CARMIL1: variants seen among roughly 807,000 people sequenced by gnomAD.
The protein encoded by CARMIL1 is F-actin-uncapping protein LRRC16A.
Under a neutral mutation model 177.1 loss-of-function variants are expected in CARMIL1, and 90 were observed. That is an observed-to-expected ratio of 0.51 (90% CI 0.43 to 0.61). CARMIL1 has a LOEUF of 0.61. Among genes scored for constraint, CARMIL1 ranks in the 20% least tolerant of loss-of-function variants. CARMIL1 has a pLI of 0.00. For missense variants in CARMIL1, 1,380 were observed against 1,667.0 expected (o/e 0.83, Z 3.00); for synonymous variants, 577 against 606.2 (o/e 0.95, Z 0.71).
intron 31 of CARMIL1, among the ~76,000 whole-genome samples, chr6:25,593,231 T>G (rs1268971000): frequency 2.0e-5 from 3 of 152,208 alleles, no homozygotes; most frequent in Admixed American, 6.5e-5. Flanking sequence ...ACTTCATTAG[T>G]TCCTCATCAC....
chr6:25,475,690 A>T (rs1409753750), intron 11 of CARMIL1, among the ~76,000 whole-genome samples: 1 of 152,236 alleles, frequency 6.6e-6, no homozygotes, highest in Non-Finnish European at 1.5e-5. Flanking sequence ...AACACTGTTG[A>T]GTGAAAGAAG....
At position 25,594,503 on chromosome 6, in the gene CARMIL1, A is replaced by G. The variant is rs1048006248; in HGVS notation, c.3095A>G (p.Lys1032Arg). Residue 1032 changes from lysine (K) to arginine (R), a missense_variant, in exon 32 of 37, where the codon AAG becomes AGG. Physicochemically the swap from Lys to Arg is conservative, Grantham distance 26. Transcript: ENST00000329474. Reference sequence around the variant, plus strand: ...GAAGGTGTAGATGAATTTTTTACCAAGAAGGTGACCAAAATGGATTCCAAG... The same window carrying G: ...GAAGGTGTAGATGAATTTTTTACCAGGAAGGTGACCAAAATGGATTCCAAG... ...VDEGVDEFFT[K>R]KVTKMDSKKW... is the part of the protein sequence containing the mutation. The G allele has an allele frequency of 1.4e-5, 23 of 1,610,666 alleles. No homozygotes were observed. The East Asian group carries it at 4.9e-4, about 34-fold the overall frequency.
At chr6:25,605,797 A>C (rs75100431) in intron 34 of CARMIL1, among the ~76,000 whole-genome samples, 1,850 of 152,350 alleles carry the variant, frequency 0.012, 29 homozygotes, top group African/African-American at 0.04. Context: ...ACATTATTAA[A>C]TATAAAAGCT....
chr6:25,309,806 G>T lies in CARMIL1; in HGVS notation c.138+24897G>T, dbSNP rs141845255. 6.8e-3 allele frequency among the ~76,000 whole-genome samples: 832 copies of T among 122,386 alleles called. 9 individuals carry two copies. The highest frequency in any genetic ancestry group is 0.024 in the African/African-American group (771 of 32,758). 80.3% of individuals were successfully genotyped at this position (122,386 alleles called of 152,430 possible). A position where few individuals can be genotyped will look rare whatever the true frequency, so the allele number is the denominator to read the frequency against. On this transcript the variant is annotated intron_variant, in intron 2 of 36. Coordinates refer to ENST00000329474, the MANE Select transcript of CARMIL1 (RefSeq NM_017640.6). ...TTTTTTGGAGACAGAATCTTGCTCT[G>T]TTGCCCAGGCTAGAATGCAATGGCA...
At chr6:25,508,895 T>G (rs1027166917) in intron 17 of CARMIL1, among the ~76,000 whole-genome samples, 1 of 152,170 alleles carries the variant, frequency 6.6e-6, no homozygotes, top group African/African-American at 2.4e-5. Context: ...CACAGAGATA[T>G]TATGACTGCT....
intron 2 of CARMIL1, among the ~76,000 whole-genome samples, chr6:25,342,560 T>C (rs1787051524): frequency 6.6e-6 from 1 of 152,156 alleles, no homozygotes; most frequent in Admixed American, 6.6e-5. Flanking sequence ...ACTTAGCATA[T>C]AGGAAGGGCT....
At chr6:25,547,540 A>T (rs1416971163) in intron 26 of CARMIL1, among the ~76,000 whole-genome samples, 2 of 152,300 alleles carry the variant, frequency 1.3e-5, no homozygotes, top group East Asian at 3.9e-4. Context: ...GAAAAAATGG[A>T]CTATACCCGT....
chr6:25,432,956 T>C (rs143584952), intron 4 of CARMIL1: 21 of 152,322 alleles, frequency 1.4e-4, no homozygotes, highest in African/African-American at 5.1e-4. Flanking sequence ...CTGCTAGGTG[T>C]CTAAAGAAAA....
chr6:25,581,362 G>C lies in CARMIL1; in HGVS notation c.2929G>C (p.Glu977Gln). 1.2e-6 allele frequency: 2 copies of C among 1,613,736 alleles called. No homozygotes were observed. Among genetic ancestry groups the C allele is most frequent in the Admixed American group, 3.3e-5 (2 of 59,974 alleles). ...GGGATTTATCTCTGAGTTGCCCTCT[G>C]AAGAGGGGAAGAAGCTGGAACACTT... ...SSGFISELPS[E>Q]EGKKLEHFTK... The change falls in exon 31 of 37, where the codon GAA becomes CAA. Residue 977 changes from glutamate to glutamine, a missense_variant. By Grantham distance (29) the Glu-to-Gln change is conservative (BLOSUM62 2). Transcript: ENST00000329474.
intron 2 of CARMIL1, among the ~76,000 whole-genome samples, chr6:25,369,387 T>G (rs1581707614): frequency 6.6e-6 from 1 of 151,804 alleles, no homozygotes; most frequent in South Asian, 2.1e-4. Flanking sequence ...TTGTTTTTTT[T>G]TTTTTTTTTT....
chr6:25,529,925 C>G (rs1360769687), intron 24 of CARMIL1, among the ~76,000 whole-genome samples: 1 of 151,982 alleles, frequency 6.6e-6, no homozygotes, highest in Middle Eastern at 3.4e-3. Context: ...GTAGAGCAAA[C>G]CTTTATAGCT....
At chr6:25,378,149 A>T (rs181592585) in intron 2 of CARMIL1, among the ~76,000 whole-genome samples, 1 of 152,266 alleles carries the variant, frequency 6.6e-6, no homozygotes, top group East Asian at 1.9e-4. Context: ...CTGCTGCACC[A>T]AAGAGTCTGC....
intron 2 of CARMIL1, among the ~76,000 whole-genome samples, chr6:25,334,559 G>T (rs1786020989): frequency 6.6e-6 from 1 of 152,166 alleles, no homozygotes; most frequent in Admixed American, 6.5e-5. Context: ...CCAGATCCTT[G>T]ATGATAACTC....
chr6:25,374,650 T>C (rs1404563534), intron 2 of CARMIL1, among the ~76,000 whole-genome samples: 1 of 152,350 alleles, frequency 6.6e-6, no homozygotes, highest in African/African-American at 2.4e-5. Flanking sequence ...ATTGTGTTGC[T>C]ATTTCTTTTC....
chr6:25,391,247 G>A (rs1792789280), intron 2 of CARMIL1, among the ~76,000 whole-genome samples: 1 of 152,132 alleles, frequency 6.6e-6, no homozygotes. Context: ...TGGCTGGGTG[G>A]GGGTCATTTC....
At position 25,610,161 on chromosome 6, in the gene CARMIL1, C is replaced by T. The variant is rs921559724; in HGVS notation, c.3959C>T (p.Pro1320Leu). The T allele has an allele frequency of 5.0e-6, 8 of 1,613,480 alleles. No homozygotes were observed. In the African/African-American group the frequency reaches 9.3e-5, roughly 19 times the overall value. ...GGCCAGAGTAGCCCCCAGCCCAGCC[C>T]CAGGACATTTTCACAGGAAGGTAAG... ...RDGQSSPQPS[P>L]RTFSQEVSRR... Residue 1320 changes from proline (P) to leucine (L), a missense_variant, in exon 36 of 37, where the codon CCC becomes CTC. Physicochemically the swap from Pro to Leu is moderately conservative, Grantham distance 98 (BLOSUM62 -3). Transcript: ENST00000329474.
chr6:25,303,591 C>T (rs773812573), intron 2 of CARMIL1, among the ~76,000 whole-genome samples: 2 of 152,228 alleles, frequency 1.3e-5, no homozygotes, highest in Non-Finnish European at 2.9e-5. Flanking sequence ...TATCATCTCA[C>T]AGGACACTGG....
In CARMIL1 at chr6:25,293,211, A is replaced by G. The variant is rs537774209; in HGVS notation, c.138+8302A>G. Reference sequence around the variant, plus strand: ...TTATTTTTTTCCCTCTTGATAGACCACTTTCCCCAGCTCTTTGAGGAAAGA... The same window carrying G: ...TTATTTTTTTCCCTCTTGATAGACCGCTTTCCCCAGCTCTTTGAGGAAAGA... On this transcript the variant is annotated intron_variant, in intron 2 of 36. Coordinates refer to ENST00000329474, the MANE Select transcript of CARMIL1 (RefSeq NM_017640.6). Among the ~76,000 whole-genome samples the G allele has an allele frequency of 2.0e-5, 3 of 148,878 alleles. No homozygotes were observed. The South Asian group carries it at 6.4e-4, about 32-fold the overall frequency.
chr6:25,488,451 A>C (rs774654488), intron 12 of CARMIL1, 31 bp from the exon 13 acceptor site: 14 of 1,555,890 alleles, frequency 9.0e-6, no homozygotes, highest in Non-Finnish European at 1.2e-5. Context: ...CCTGGAGTGC[A>C]AACTGAGCCT....
Sources: allele counts gnomAD v4.1 joint callset (sites outside exome capture counted in the v4.1 genomes callset), GRCh38; gene constraint gnomAD v4.1.1; transcripts MANE v1.5; gene names NCBI Gene and HGNC (gene_info 2026-07-23, HGNC 2026-07-21).